SLC8A3: variants seen among roughly 807,000 people sequenced by gnomAD.
The protein encoded by SLC8A3 is solute carrier family 8 member A3, also known as sodium/calcium exchanger 3.
A neutral mutation model predicts 65.4 loss-of-function variants in SLC8A3; 37 were observed. The ratio of observed to expected loss-of-function variants is 0.57; its 90% CI spans 0.44 to 0.74. SLC8A3 has a LOEUF of 0.74. Among genes scored for constraint, SLC8A3 ranks in the 30% least tolerant of loss-of-function variants. The pLI is 0.00. For missense variants in SLC8A3, 1,112 were observed against 1,172.1 expected (o/e 0.95, Z 0.75); for synonymous variants, 461 against 444.5 (o/e 1.04, Z -0.47).
intron 2 of SLC8A3, among the ~76,000 whole-genome samples, chr14:70,126,558 TCTCTCTCTCTCTCACA>T (rs1894456167): frequency 1.1e-5 from 1 of 94,838 alleles, no homozygotes; most frequent in South Asian, 3.0e-4. Flanking sequence ...TCTCTCTCTC[TCTCTCTCTCTCTCACA>T]CACACACACA....
chr14:70,075,760 G>A (rs1890456596), intron 2 of SLC8A3, among the ~76,000 whole-genome samples: 1 of 152,184 alleles, frequency 6.6e-6, no homozygotes, highest in South Asian at 2.1e-4. Context: ...ATAACATGCT[G>A]CTCCCCTACT....
At chr14:70,119,438 C>G (rs1893892941) in intron 2 of SLC8A3, among the ~76,000 whole-genome samples, 1 of 152,190 alleles carries the variant, frequency 6.6e-6, no homozygotes, top group Non-Finnish European at 1.5e-5. Context: ...GGGACCCCAC[C>G]CACCTGATAT....
chr14:70,176,075 G>C (rs1362526281), intron 1 of SLC8A3, among the ~76,000 whole-genome samples: 1 of 152,194 alleles, frequency 6.6e-6, no homozygotes, highest in Non-Finnish European at 1.5e-5. Context: ...GGTTGAACTT[G>C]ACCTCTGATA....
intron 2 of SLC8A3, among the ~76,000 whole-genome samples, chr14:70,107,082 C>G (rs1418296477): frequency 6.6e-6 from 1 of 152,084 alleles, no homozygotes; most frequent in African/African-American, 2.4e-5. Flanking sequence ...GGAGTTGAGG[C>G]TGGAAAGTTA....
chr14:70,146,138 T>C (rs1423039166), intron 2 of SLC8A3, among the ~76,000 whole-genome samples: 1 of 152,174 alleles, frequency 6.6e-6, no homozygotes, highest in Non-Finnish European at 1.5e-5. Flanking sequence ...AGGCATCTTG[T>C]TCAGCCCACC....
At chr14:70,178,978 C>G (rs915547572) in intron 1 of SLC8A3, among the ~76,000 whole-genome samples, 1 of 152,176 alleles carries the variant, frequency 6.6e-6, no homozygotes, top group Non-Finnish European at 1.5e-5. Context: ...TCTCATCTAG[C>G]TTCTAACTTG....
chr14:70,072,512 C>T (rs1890101052), intron 2 of SLC8A3, among the ~76,000 whole-genome samples: 1 of 151,914 alleles, frequency 6.6e-6, no homozygotes, highest in Non-Finnish European at 1.5e-5. Flanking sequence ...ATTTTATTCT[C>T]CCCTTCCTTT....
chr14:70,091,460 A>G (rs778623398), intron 2 of SLC8A3, among the ~76,000 whole-genome samples: 5 of 152,080 alleles, frequency 3.3e-5, no homozygotes, highest in Non-Finnish European at 7.4e-5. Context: ...TTAATATCGT[A>G]TACCCCCTTG....
At chr14:70,121,006 G>T (rs770717810) in intron 2 of SLC8A3, among the ~76,000 whole-genome samples, 1 of 152,136 alleles carries the variant, frequency 6.6e-6, no homozygotes, top group Non-Finnish European at 1.5e-5. Context: ...AGGGGATAAG[G>T]ACTACTTCAC....
intron 2 of SLC8A3, among the ~76,000 whole-genome samples, chr14:70,151,089 C>T (rs958527964): frequency 2.6e-5 from 4 of 151,942 alleles, no homozygotes; most frequent in Admixed American, 2.0e-4. Flanking sequence ...CCCACCTCTG[C>T]TAAAAGTACA....
At chr14:70,116,175 T>C (rs1302640994) in intron 2 of SLC8A3, among the ~76,000 whole-genome samples, 3 of 152,060 alleles carry the variant, frequency 2.0e-5, no homozygotes, top group African/African-American at 7.2e-5. Flanking sequence ...CCGGGGTGGC[T>C]GGGGAAATAA....
At chr14:70,163,654 A>C (rs547021947) in intron 2 of SLC8A3, among the ~76,000 whole-genome samples, 1 of 152,340 alleles carries the variant, frequency 6.6e-6, no homozygotes, top group Non-Finnish European at 1.5e-5. Context: ...AGTTGGAATT[A>C]AAGAGCAAAC....
intron 2 of SLC8A3, among the ~76,000 whole-genome samples, chr14:70,104,148 A>G (rs558264858): frequency 1.6e-3 from 246 of 152,180 alleles, no homozygotes; most frequent in Admixed American, 2.2e-3. Flanking sequence ...AACTGACAGA[A>G]CTAAAGAGAG....
At chr14:70,180,655 A>T (rs1395639313) in intron 1 of SLC8A3, among the ~76,000 whole-genome samples, 1 of 152,222 alleles carries the variant, frequency 6.6e-6, no homozygotes, top group Non-Finnish European at 1.5e-5. Context: ...GAGTGGTTTT[A>T]CTAGACTCTC....
intron 2 of SLC8A3, among the ~76,000 whole-genome samples, chr14:70,146,140 C>T (rs1175605317): frequency 6.6e-6 from 1 of 152,166 alleles, no homozygotes; most frequent in Non-Finnish European, 1.5e-5. Flanking sequence ...GCATCTTGTT[C>T]AGCCCACCCG....
intron 1 of SLC8A3, among the ~76,000 whole-genome samples, chr14:70,187,657 G>A (rs1292397499): frequency 1.3e-5 from 2 of 151,224 alleles, no homozygotes; most frequent in African/African-American, 2.4e-5. Flanking sequence ...GCGCGTGTGT[G>A]TTGGGGGATC....
chr14:70,045,857 C>T lies in SLC8A3; in HGVS notation c.*90G>A. ...AGGTCCTGATGCTGCCTCTCCAGGG[C>T]AGTGCAGTCGGGAGAGATCACTGGT... On this transcript the variant is annotated 3_prime_UTR_variant, in exon 7 of 7. Transcript: ENST00000356921. The T allele has an allele frequency of 7.7e-7, 1 of 1,291,334 alleles. No individual in the cohort carries two copies. Among genetic ancestry groups the T allele is most frequent in the Non-Finnish European group, 1.0e-6 (1 of 954,762 alleles). The allele number at this position is 1,291,334 out of a possible 1,614,324, so 80.0% of individuals were successfully genotyped here.
chr14:70,168,333 T>G lies in SLC8A3; in HGVS notation c.90A>C (p.Ala30=). Residue 30 remains alanine, a synonymous_variant, in exon 2 of 7, where the codon GCA becomes GCC. Coordinates refer to ENST00000356921, the MANE Select transcript of SLC8A3 (RefSeq NM_182932.3). ...TFVLFLNGLR[A]EAGGSGDVPS... is the part of the protein sequence containing the mutation. ...GCACGTCCCCTGAGCCACCAGCCTC[T>G]GCTCGAAGACCATTCAGGAAGAGCA... 6.2e-7 allele frequency: 1 copy of G among 1,614,138 alleles called. No individual in the cohort carries two copies. The highest frequency in any genetic ancestry group is 8.5e-7 in the Non-Finnish European group (1 of 1,180,018).
intron 2 of SLC8A3, among the ~76,000 whole-genome samples, chr14:70,087,339 G>A (rs184377868): frequency 6.6e-6 from 1 of 152,300 alleles, no homozygotes; most frequent in African/African-American, 2.4e-5. Context: ...AGGCTGCTGT[G>A]CAACTTCCAT....
Sources: allele counts gnomAD v4.1 joint callset (sites outside exome capture counted in the v4.1 genomes callset), GRCh38; gene constraint gnomAD v4.1.1; transcripts MANE v1.5; gene names NCBI Gene and HGNC (gene_info 2026-07-23, HGNC 2026-07-21).